Variants in DLG2 observed in about 807,000 individuals in gnomAD.
DLG2 encodes the protein disks large homolog 2.
A neutral mutation model predicts 132.5 loss-of-function variants in DLG2; 45 were observed. The observed-to-expected ratio is 0.34, with a 90% CI of 0.27 to 0.44. The LOEUF (loss-of-function observed/expected upper bound fraction) is 0.44. Among genes scored for constraint, DLG2 ranks in the 20% least tolerant of loss-of-function variants. The pLI, the probability that DLG2 is intolerant of heterozygous loss-of-function variation, is 1.00. For synonymous variants in DLG2, 424 were observed against 419.6 expected (o/e 1.01, Z -0.13); for missense variants, 1,045 against 1,196.9 (o/e 0.87, Z 1.87).
intron 3 of DLG2, among the ~76,000 whole-genome samples, chr11:85,511,214 G>T (rs947803629): frequency 1.3e-5 from 2 of 151,962 alleles, no homozygotes; most frequent in Non-Finnish European, 2.9e-5. Context: ...ACACACCGGG[G>T]CCTGTTGTGG....
At chr11:84,225,945 G>A (rs1029733455) in intron 8 of DLG2, among the ~76,000 whole-genome samples, 1 of 151,964 alleles carries the variant, frequency 6.6e-6, no homozygotes, top group Non-Finnish European at 1.5e-5. Flanking sequence ...CAAGTAGCTG[G>A]GATTACAGGC....
At chr11:85,278,999 T>C (rs2078066996) in intron 4 of DLG2, among the ~76,000 whole-genome samples, 1 of 152,196 alleles carries the variant, frequency 6.6e-6, no homozygotes, top group African/African-American at 2.4e-5. Flanking sequence ...AAATGGCCTA[T>C]ATATGTGAGA....
At chr11:84,371,871 A>G (rs1489969744) in intron 7 of DLG2, among the ~76,000 whole-genome samples, 1 of 152,170 alleles carries the variant, frequency 6.6e-6, no homozygotes, top group East Asian at 1.9e-4. Context: ...GCTAGTCTCT[A>G]ATTTTACTTT....
intron 8 of DLG2, among the ~76,000 whole-genome samples, chr11:84,224,540 T>C (rs1037036873): frequency 1.3e-5 from 2 of 152,246 alleles, no homozygotes; most frequent in African/African-American, 4.8e-5. Context: ...CTTTGTACTA[T>C]GTGCCAGGCA....
intron 6 of DLG2, among the ~76,000 whole-genome samples, chr11:85,044,635 C>G (rs1022299968): frequency 1.3e-5 from 2 of 151,846 alleles, no homozygotes; most frequent in African/African-American, 4.8e-5. Context: ...ATATAACTAC[C>G]ACTGGAGCCC....
At chr11:84,323,417 C>T (rs574762567) in intron 7 of DLG2, among the ~76,000 whole-genome samples, 1 of 152,174 alleles carries the variant, frequency 6.6e-6, no homozygotes, top group Non-Finnish European at 1.5e-5. Flanking sequence ...ATGTATATAG[C>T]ATATTTTGTT....
chr11:84,916,074 G>A (rs1217281420), intron 6 of DLG2, among the ~76,000 whole-genome samples: 5 of 152,026 alleles, frequency 3.3e-5, no homozygotes, highest in East Asian at 1.9e-4. Context: ...GGCCGGGCGC[G>A]GTGGCTCACG....
At chr11:84,320,879 T>A (rs559816918) in intron 7 of DLG2, among the ~76,000 whole-genome samples, 2 of 152,176 alleles carry the variant, frequency 1.3e-5, no homozygotes, top group Non-Finnish European at 2.9e-5. Flanking sequence ...TAATTACAAG[T>A]CTAAATTATA....
intron 6 of DLG2, among the ~76,000 whole-genome samples, chr11:84,572,654 AT>A (rs2099488245): frequency 6.6e-6 from 1 of 152,136 alleles, no homozygotes; most frequent in Non-Finnish European, 1.5e-5. Flanking sequence ...CTTCTGGAAT[AT>A]GCAAACAAGG....
At chr11:84,219,860 C>T (rs2096889943) in intron 8 of DLG2, among the ~76,000 whole-genome samples, 1 of 152,132 alleles carries the variant, frequency 6.6e-6, no homozygotes, top group African/African-American at 2.4e-5. Flanking sequence ...TAAAGTTGCT[C>T]CTCTGTGTTA....
chr11:84,306,644 T>C (rs996882541), intron 7 of DLG2, among the ~76,000 whole-genome samples: 1 of 152,204 alleles, frequency 6.6e-6, no homozygotes. Context: ...GACTGTCTAG[T>C]GGAACGCTAA....
chr11:85,615,751 T>C (rs1225260112), intron 2 of DLG2, among the ~76,000 whole-genome samples: 3 of 152,144 alleles, frequency 2.0e-5, no homozygotes, highest in Admixed American at 1.3e-4. Context: ...AGAAATGTTA[T>C]AACCTGTTTT....
chr11:84,067,520 T>C (rs1240401839), intron 10 of DLG2, among the ~76,000 whole-genome samples: 1 of 150,726 alleles, frequency 6.6e-6, no homozygotes, highest in African/African-American at 2.4e-5. Context: ...ACAAGTAGTT[T>C]ATGCTCACAG....
chr11:85,281,807 C>T (rs567861881), intron 4 of DLG2, among the ~76,000 whole-genome samples: 2 of 151,882 alleles, frequency 1.3e-5, no homozygotes, highest in South Asian at 4.1e-4. Context: ...GGAGGTTCCT[C>T]AAAAAACTAA....
intron 3 of DLG2, among the ~76,000 whole-genome samples, chr11:85,596,639 C>T (rs897989820): frequency 6.6e-6 from 1 of 151,664 alleles, no homozygotes. Context: ...CTACTTGTAA[C>T]AGGAAAAAAA....
At chr11:83,620,032 TATACTC>T (rs1201733960) in intron 19 of DLG2, among the ~76,000 whole-genome samples, 1 of 152,230 alleles carries the variant, frequency 6.6e-6, no homozygotes, top group Non-Finnish European at 1.5e-5. Context: ...GTTGCAAACT[TATACTC>T]AATTCACACC....
intron 3 of DLG2, among the ~76,000 whole-genome samples, chr11:85,571,002 C>G (rs2077812918): frequency 6.6e-6 from 1 of 151,948 alleles, no homozygotes. Flanking sequence ...AAATATTGCT[C>G]TCATGGTTTT....
intron 3 of DLG2, among the ~76,000 whole-genome samples, chr11:85,392,410 C>T (rs1284538763): frequency 2.7e-5 from 4 of 150,724 alleles, no homozygotes; most frequent in African/African-American, 4.9e-5. Flanking sequence ...ATACCACCAT[C>T]ATTCTTCACA....
intron 7 of DLG2, among the ~76,000 whole-genome samples, chr11:84,322,541 A>C (rs2098410366): frequency 6.6e-6 from 1 of 152,164 alleles, no homozygotes; most frequent in African/African-American, 2.4e-5. Context: ...CTAAACTCCA[A>C]AGTCATATTA....
Sources: gnomAD v4.1 joint callset for allele counts (sites outside exome capture counted in the v4.1 genomes callset) on GRCh38, gnomAD v4.1.1 for gene constraint, MANE v1.5 for transcripts, NCBI Gene and HGNC (gene_info 2026-07-23, HGNC 2026-07-21) for gene names.